The following PCDH15 variants were observed in gnomAD, a reference collection of about 807,000 sequenced individuals.
The protein encoded by PCDH15 is protocadherin-15.
A neutral mutation model predicts 178.5 loss-of-function variants in PCDH15; 129 were observed. The ratio of observed to expected loss-of-function variants is 0.72; its 90% CI spans 0.63 to 0.84. The LOEUF is 0.84. Ranked by LOEUF, PCDH15 falls within the 40% of genes least tolerant of loss-of-function variation. The pLI is 0.00. For synonymous variants in PCDH15, 800 were observed against 732.0 expected, an observed-to-expected ratio of 1.09 and a Z score of -1.50; for missense variants, 2,230 against 2,099.9, an observed-to-expected ratio of 1.06 and a Z score of -1.21.
Position 55,467,966 on chromosome 10 carries a change from C to CAAAAAAAAAAAAAAAAAAAAAAAAA in PCDH15, c.-156+159634_-156+159658dup, listed in dbSNP as rs71463104. Among the ~76,000 whole-genome samples the CAAAAAAAAAAAAAAAAAAAAAAAAA allele has an allele frequency of 3.0e-4, 11 of 36,636 alleles. 1 individual carries two copies. The highest frequency in any genetic ancestry group is 7.6e-4 in the African/African-American group (5 of 6,590). The allele number at this position is 36,636 out of a possible 152,430, so 24.0% of individuals were successfully genotyped here. On this transcript the variant is annotated intron_variant, in intron 2 of 5. Transcript: ENST00000613346. Reference sequence around the variant, plus strand: ...TGGGCGATAGAGCCAGACTCCGTCTCAAAAAAAAAAAAAAAAAAAAAAAAA... The same window carrying CAAAAAAAAAAAAAAAAAAAAAAAAA: ...TGGGCGATAGAGCCAGACTCCGTCTCAAAAAAAAAAAAAAAAAAAAAAAAAAAAAAAAAAAAAAAAAAAAAAAAAA...
intron 8 of PCDH15, among the ~76,000 whole-genome samples, chr10:54,304,865 C>T (rs184859116): frequency 6.2e-4 from 89 of 144,150 alleles, no homozygotes; most frequent in African/African-American, 2.3e-3. Flanking sequence ...TGTTTATTTC[C>T]CTTTTTTTTT....
At chr10:54,568,041 A>T (rs1268499459) in intron 2 of PCDH15, among the ~76,000 whole-genome samples, 1 of 151,984 alleles carries the variant, frequency 6.6e-6, no homozygotes, top group Non-Finnish European at 1.5e-5. Context: ...TGAGAAACTA[A>T]ATTATATTTA....
At chr10:54,721,465 T>G (rs1021800746) in intron 1 of PCDH15, among the ~76,000 whole-genome samples, 9 of 151,746 alleles carry the variant, frequency 5.9e-5, no homozygotes, top group African/African-American at 2.2e-4. Flanking sequence ...TAAACAAAAT[T>G]GACAGACTGC....
intron 14 of PCDH15, among the ~76,000 whole-genome samples, chr10:54,141,705 T>G (rs1184008525): frequency 6.6e-6 from 1 of 152,212 alleles, no homozygotes; most frequent in African/African-American, 2.4e-5. Context: ...ATTGTGACAC[T>G]TTGTTGTAAT....
chr10:55,109,373 A>T (rs1319770921), intron 2 of PCDH15, among the ~76,000 whole-genome samples: 1 of 152,206 alleles, frequency 6.6e-6, no homozygotes, highest in Non-Finnish European at 1.5e-5. Context: ...AAAACTTATT[A>T]CCCTAAATTA....
In PCDH15 at chr10:54,697,056, CACA is replaced by C. The variant is rs1306484771; in HGVS notation, c.-28-32769_-28-32767del. ...TCCTGTGTAGCTGGGATTACAAATG[CACA>C]TCACTGAACCCAGCTAGTGCCAATT... On this transcript the variant is annotated intron_variant, in intron 1 of 37. Transcript: ENST00000644397. 3.7e-4 allele frequency among the ~76,000 whole-genome samples: 57 copies of C among 152,190 alleles called. 1 individual carries two copies. The highest frequency in any genetic ancestry group is 6.8e-3 in the Middle Eastern group (2 of 294).
At position 53,956,894 on chromosome 10, in the gene PCDH15, G is replaced by T. The variant is rs79170105; in HGVS notation, c.3122+2838C>A. On this transcript the variant is annotated intron_variant, in intron 23 of 37. Coordinates refer to ENST00000644397, the MANE Select transcript of PCDH15 (RefSeq NM_001384140.1). ...ATCTATTTGTAGTTAATAGTTCTAT[G>T]CAGAGACGGTATGAAATGGTAAATT... Among the ~76,000 whole-genome samples, 1,107 of 152,290 alleles carry T rather than the reference G, an allele frequency of 7.3e-3. 6 individuals are homozygous for T. The highest frequency in any genetic ancestry group is 0.012 in the Non-Finnish European group (812 of 68,000).
chr10:55,265,261 G>A (rs1298259035), intron 1 of PCDH15, among the ~76,000 whole-genome samples: 1 of 150,586 alleles, frequency 6.6e-6, no homozygotes, highest in Admixed American at 6.6e-5. Flanking sequence ...GGATGACCAT[G>A]ATAGATACAG....
chr10:55,328,715 C>A (rs1489952287), intron 2 of PCDH15, among the ~76,000 whole-genome samples: 3 of 151,118 alleles, frequency 2.0e-5, no homozygotes, highest in African/African-American at 7.3e-5. Flanking sequence ...ATTCCCTAAA[C>A]AATACAGTAC....
At chr10:54,495,099 T>C (rs2079987525) in intron 3 of PCDH15, among the ~76,000 whole-genome samples, 1 of 152,144 alleles carries the variant, frequency 6.6e-6, no homozygotes, top group South Asian at 2.1e-4. Context: ...GAAACTACTG[T>C]CCTTGCACAG....
chr10:55,108,376 C>T (rs1490800995), intron 2 of PCDH15, among the ~76,000 whole-genome samples: 1 of 152,072 alleles, frequency 6.6e-6, no homozygotes, highest in Non-Finnish European at 1.5e-5. Context: ...GGATTTATTA[C>T]ATTTTCTAAG....
intron 1 of PCDH15, among the ~76,000 whole-genome samples, chr10:54,714,277 C>T (rs2095454728): frequency 6.6e-6 from 1 of 152,082 alleles, no homozygotes; most frequent in Admixed American, 6.6e-5. Flanking sequence ...ACAGCTCCAC[C>T]AGTCGCAACT....
chr10:55,221,736 T>C (rs1191529236), intron 1 of PCDH15, among the ~76,000 whole-genome samples: 2 of 152,100 alleles, frequency 1.3e-5, no homozygotes, highest in East Asian at 3.9e-4. Context: ...CATAGAAGTG[T>C]AGTATATGTC....
rs1234051172 is a variant in PCDH15 at position 54,147,014 on chromosome 10, A to AT, written c.1784+6085_1784+6086insA. On this transcript the variant is annotated intron_variant, in intron 14 of 37. Transcript: ENST00000644397. ...TAATGTATATATATAGTGTATATAT[A>AT]ATGTGTATATATACAAATATATAAT... 8.8e-3 allele frequency among the ~76,000 whole-genome samples: 1,219 copies of AT among 138,888 alleles called. 25 individuals carry two copies. Among genetic ancestry groups the AT allele is most frequent in the African/African-American group, 0.015 (605 of 39,116 alleles). The allele number at this position is 138,888 out of a possible 152,430, so 91.1% of individuals were successfully genotyped here. A position where few individuals can be genotyped will look rare whatever the true frequency, so the allele number is the denominator to read the frequency against.
intron 26 of PCDH15, among the ~76,000 whole-genome samples, chr10:53,881,341 T>C (rs2080703210): frequency 6.6e-6 from 1 of 152,114 alleles, no homozygotes; most frequent in Non-Finnish European, 1.5e-5. Context: ...GATGAGAAAT[T>C]ACCTAATGGG....
intron 14 of PCDH15, among the ~76,000 whole-genome samples, chr10:54,150,759 A>C (rs2044448339): frequency 6.6e-6 from 1 of 151,536 alleles, no homozygotes; most frequent in African/African-American, 2.4e-5. Context: ...ATTTTGGGGG[A>C]TTTCTTGTGT....
At chr10:54,431,431 G>T (rs536769255) in intron 3 of PCDH15, among the ~76,000 whole-genome samples, 3 of 152,212 alleles carry the variant, frequency 2.0e-5, no homozygotes, top group East Asian at 1.9e-4. Flanking sequence ...TTTATCCCAG[G>T]TATGCAAGGA....
rs368772481 is a variant in PCDH15 at position 54,516,666 on chromosome 10, C to T, written c.157+11146G>A. Among the ~76,000 whole-genome samples, 57 of 152,028 alleles carry T rather than the reference C, an allele frequency of 3.7e-4. No homozygotes were observed. In the South Asian group the frequency reaches 7.1e-3, roughly 19 times the overall value. ...ATATTATCCAGGAGAACTTCCCCAACCTAGCAAGGCAGGCCAACGTTCAGA... is the reference window on the plus strand; with the variant it reads ...ATATTATCCAGGAGAACTTCCCCAATCTAGCAAGGCAGGCCAACGTTCAGA... On this transcript the variant is annotated intron_variant, in intron 3 of 37. Coordinates refer to ENST00000644397, the MANE Select transcript of PCDH15 (RefSeq NM_001384140.1).
At chr10:54,261,600 A>G (rs536409356) in intron 8 of PCDH15, among the ~76,000 whole-genome samples, 3 of 152,292 alleles carry the variant, frequency 2.0e-5, no homozygotes, top group African/African-American at 7.2e-5. Flanking sequence ...AATTTCCTAC[A>G]AGTGGTTTTT....
Sources: allele counts gnomAD v4.1 joint callset (sites outside exome capture counted in the v4.1 genomes callset), GRCh38; gene constraint gnomAD v4.1.1; transcripts MANE v1.5; gene names NCBI Gene and HGNC (gene_info 2026-07-23, HGNC 2026-07-21).